Variants in SUN3 observed in about 807,000 individuals in gnomAD.
SUN3 encodes the protein SUN domain-containing protein 3.
A neutral mutation model predicts 48.2 loss-of-function variants in SUN3; 36 were observed. The ratio of observed to expected loss-of-function variants is 0.75; its 90% CI spans 0.57 to 0.99. SUN3 has a LOEUF of 0.99. Ranked by LOEUF, SUN3 falls within the 50% of genes least tolerant of loss-of-function variation. The pLI, the probability that SUN3 is intolerant of heterozygous loss-of-function variation, is 0.00. For missense variants in SUN3, 419 were observed against 433.1 expected (o/e 0.97, Z 0.29); for synonymous variants, 148 against 147.9 (o/e 1.00, Z 0.00).
intron 3 of SUN3, among the ~76,000 whole-genome samples, chr7:48,015,492 G>T (rs538410860): frequency 1.5e-3 from 229 of 152,232 alleles, no homozygotes; most frequent in African/African-American, 5.4e-3. Context: ...ACTTCACATG[G>T]CAAGACACAT....
chr7:48,022,081 G>A (rs374957905), intron 2 of SUN3, among the ~76,000 whole-genome samples: 5 of 151,920 alleles, frequency 3.3e-5, no homozygotes, highest in African/African-American at 1.2e-4. Flanking sequence ...TGTACTATGC[G>A]GCCATAAAAA....
intron 8 of SUN3, 194 bp from the exon 9 acceptor site, chr7:47,989,074 A>G (rs1214203031): frequency 5.4e-5 from 22 of 408,154 alleles, no homozygotes; most frequent in African/African-American, 2.0e-5. Flanking sequence ...CACGGGACTG[A>G]CTAAAAGGAT....
intron 6 of SUN3, among the ~76,000 whole-genome samples, chr7:47,999,434 C>T (rs573113394): frequency 6.6e-6 from 1 of 152,048 alleles, no homozygotes; most frequent in African/African-American, 2.4e-5. Flanking sequence ...ATTTGCATGC[C>T]TTTTCCCCTA....
intron 8 of SUN3, among the ~76,000 whole-genome samples, chr7:47,989,665 C>A (rs1279455502): frequency 1.3e-5 from 2 of 152,094 alleles, no homozygotes; most frequent in Admixed American, 6.5e-5. Flanking sequence ...AATGTACTCA[C>A]AATTATATAT....
chr7:47,992,216 A>G (rs576532242), intron 8 of SUN3, among the ~76,000 whole-genome samples: 153 of 152,306 alleles, frequency 1.0e-3, no homozygotes, highest in African/African-American at 3.6e-3. Context: ...CTAGCAATTC[A>G]TGTGACAAGC....
At chr7:47,992,729 G>A (rs1789102173) in intron 8 of SUN3, among the ~76,000 whole-genome samples, 1 of 151,704 alleles carries the variant, frequency 6.6e-6, no homozygotes, top group Non-Finnish European at 1.5e-5. Flanking sequence ...AGAAAGTGAA[G>A]GAAGGAATAA....
intron 6 of SUN3, among the ~76,000 whole-genome samples, chr7:48,000,575 C>T (rs933940948): frequency 1.3e-5 from 2 of 152,152 alleles, no homozygotes; most frequent in Non-Finnish European, 2.9e-5. Context: ...CTTAGTTTTT[C>T]TCCATCTAAA....
intron 1 of SUN3, among the ~76,000 whole-genome samples, chr7:48,027,246 G>T (rs574408451): frequency 6.6e-6 from 1 of 152,258 alleles, no homozygotes; most frequent in South Asian, 2.1e-4. Context: ...TCCTAACATT[G>T]ATGGGTGTTT....
In SUN3 at chr7:48,008,346, C is replaced by T. The variant is rs577848353; in HGVS notation, c.329+689G>A. ...AATGACTTTCTACCAGTTTTTATTC[C>T]ATGCAAAAAATTGGTAAGAAAATAG... is the stretch of plus-strand genomic sequence containing the variant. On this transcript the variant is annotated intron_variant, in intron 4 of 9. Coordinates refer to ENST00000297325, the MANE Select transcript of SUN3 (RefSeq NM_001030019.2). 2.6e-3 allele frequency among the ~76,000 whole-genome samples: 391 copies of T among 152,142 alleles called. 1 individual carries two copies. The highest frequency in any genetic ancestry group is 4.2e-3 in the Non-Finnish European group (287 of 67,998).
At chr7:47,988,653 T>C (rs73335773) in intron 9 of SUN3, 135 bp downstream of exon 9, 5,433 of 477,154 alleles carry the variant, frequency 0.011, 258 homozygotes, top group African/African-American at 0.098. Flanking sequence ...GAGCTCAGAA[T>C]TGAAGATCAG....
chr7:47,994,518 T>G, intron 7 of SUN3, 36 bp from the exon 8 acceptor site: 1 of 1,563,846 alleles, frequency 6.4e-7, no homozygotes, highest in East Asian at 2.3e-5. Flanking sequence ...TCTTAACTAG[T>G]TATGTGAATC....
chr7:48,009,056 T>G lies in SUN3; in HGVS notation c.308A>C (p.Lys103Thr). Reference protein sequence around the residue: ...YKYQARLRMPKEQLELLKKES... With the variant: ...YKYQARLRMPTEQLELLKKES... ...TCACTTTAAAAGTTCCAGTTGCTCTTTAGGCATACGAAGTCTGGCCTGAAA... is the reference window on the plus strand; with the variant it reads ...TCACTTTAAAAGTTCCAGTTGCTCTGTAGGCATACGAAGTCTGGCCTGAAA... Residue 103 changes from lysine to threonine, a missense_variant, in exon 4 of 10, where the codon AAA (lysine) becomes ACA (threonine). By Grantham distance (78) the Lys-to-Thr change is moderately conservative. Transcript: ENST00000297325. 1 of 1,612,692 alleles carries G rather than the reference T, an allele frequency of 6.2e-7. No individual in the cohort carries two copies. Among genetic ancestry groups the G allele is most frequent in the Non-Finnish European group, 8.5e-7 (1 of 1,179,552 alleles).
At chr7:47,999,825 G>A (rs1789311091) in intron 6 of SUN3, among the ~76,000 whole-genome samples, 2 of 152,242 alleles carry the variant, frequency 1.3e-5, no homozygotes, top group South Asian at 4.1e-4. Flanking sequence ...GTGAGCCACT[G>A]TGCCTGGCCT....
In SUN3 at chr7:47,990,933, C is replaced by G. The variant is rs913625152; in HGVS notation, c.862-2053G>C. The stretch of plus-strand genomic sequence containing the variant: ...CATGAACACAAAGCGGAGCAACAGA[C>G]ACTGAGATCTACTTGAGGGTGGGGG... On this transcript the variant is annotated intron_variant, in intron 8 of 9. Coordinates refer to ENST00000297325, the MANE Select transcript of SUN3 (RefSeq NM_001030019.2). The G allele has an allele frequency of 2.7e-4, 109 of 405,508 alleles. 1 individual carries two copies. The highest frequency in any genetic ancestry group is 4.9e-4 in the Non-Finnish European group (105 of 214,392). The allele number at this position is 405,508 out of a possible 1,614,324, so 25.1% of individuals were successfully genotyped here.
intron 2 of SUN3, among the ~76,000 whole-genome samples, chr7:48,023,454 CAA>C (rs920095503): frequency 4.0e-5 from 6 of 151,732 alleles, no homozygotes; most frequent in Non-Finnish European, 7.4e-5. Context: ...AGATCAGAAT[CAA>C]AAGAGTGCAC....
intron 5 of SUN3, 62 bp downstream of exon 5, chr7:48,007,103 C>G (rs552191679): frequency 1.3e-6 from 2 of 1,520,234 alleles, no homozygotes; most frequent in South Asian, 2.5e-5. Context: ...CTCCCCGTCA[C>G]CCTGGACATC....
At chr7:48,004,288 G>A (rs1219840976) in intron 6 of SUN3, among the ~76,000 whole-genome samples, 1 of 152,186 alleles carries the variant, frequency 6.6e-6, no homozygotes, top group Non-Finnish European at 1.5e-5. Context: ...TAGACATACT[G>A]AATATTATAC....
intron 2 of SUN3, among the ~76,000 whole-genome samples, chr7:48,017,945 G>T (rs1453229384): frequency 6.6e-6 from 1 of 152,212 alleles, no homozygotes; most frequent in African/African-American, 2.4e-5. Context: ...GATGATGGAA[G>T]TGGCAGACAG....
intron 5 of SUN3, among the ~76,000 whole-genome samples, chr7:48,006,471 A>G (rs902369298): frequency 1.3e-5 from 2 of 152,184 alleles, no homozygotes; most frequent in African/African-American, 4.8e-5. Context: ...GTTTACACAG[A>G]CTACATGATT....
Sources: allele counts gnomAD v4.1 joint callset (sites outside exome capture counted in the v4.1 genomes callset), GRCh38; gene constraint gnomAD v4.1.1; transcripts MANE v1.5; gene names NCBI Gene and HGNC (gene_info 2026-07-23, HGNC 2026-07-21).